NAV3: variants seen among roughly 807,000 people sequenced by gnomAD.
NAV3 encodes pore membrane and/or filament interacting like protein 1.
A neutral mutation model predicts 244.7 loss-of-function variants in NAV3; 87 were observed. The observed-to-expected ratio is 0.36, with a 90% CI of 0.30 to 0.42. The LOEUF is 0.42. Among genes scored for constraint, NAV3 ranks in the 20% least tolerant of loss-of-function variants. The pLI is 1.00. For synonymous variants in NAV3, 1,126 were observed against 1,042.2 expected (o/e 1.08, Z -1.55); for missense variants, 2,663 against 2,893.3 (o/e 0.92, Z 1.83).
chr12:77,962,629 T>C (rs1892130657), intron 3 of NAV3, among the ~76,000 whole-genome samples: 1 of 152,132 alleles, frequency 6.6e-6, no homozygotes, highest in Non-Finnish European at 1.5e-5. Context: ...GCATACCACC[T>C]GCCACGAACC....
chr12:77,983,669 G>A (rs1160321370), intron 5 of NAV3, among the ~76,000 whole-genome samples: 1 of 152,006 alleles, frequency 6.6e-6, no homozygotes, highest in East Asian at 1.9e-4. Flanking sequence ...ATAAAAGTAG[G>A]GGAAAGAAAG....
chr12:78,002,829 G>A (rs927111343), intron 7 of NAV3, among the ~76,000 whole-genome samples: 3 of 151,576 alleles, frequency 2.0e-5, no homozygotes, highest in Non-Finnish European at 4.4e-5. Flanking sequence ...GTAAATATAT[G>A]TATATATCTA....
intron 5 of NAV3, among the ~76,000 whole-genome samples, chr12:77,979,565 A>T (rs140288436): frequency 6.6e-6 from 1 of 152,092 alleles, no homozygotes; most frequent in African/African-American, 2.4e-5. Flanking sequence ...CTTGCTTATG[A>T]GACTTTAACC....
intron 2 of NAV3, among the ~76,000 whole-genome samples, chr12:77,771,955 G>C (rs34076851): frequency 6.6e-6 from 1 of 151,944 alleles, no homozygotes; most frequent in African/African-American, 2.4e-5. Flanking sequence ...TTTGGATTTA[G>C]GTTATTTCAA....
At chr12:77,659,848 A>T (rs1873343991) in intron 2 of NAV3, among the ~76,000 whole-genome samples, 1 of 152,054 alleles carries the variant, frequency 6.6e-6, no homozygotes, top group South Asian at 2.1e-4. Flanking sequence ...TTCTCAGTAA[A>T]CTATCGCAAG....
intron 1 of NAV3, among the ~76,000 whole-genome samples, chr12:77,879,820 AG>A (rs550011898): frequency 1.6e-3 from 245 of 152,258 alleles, no homozygotes; most frequent in African/African-American, 5.7e-3. Context: ...CTTTTCAAAA[AG>A]TGTTATCTCA....
intron 11 of NAV3, among the ~76,000 whole-genome samples, chr12:78,057,965 G>A (rs1459131071): frequency 6.6e-6 from 1 of 152,158 alleles, no homozygotes; most frequent in African/African-American, 2.4e-5. Flanking sequence ...CATGGATTTT[G>A]TAGCTAGCAC....
chr12:78,133,058 A>G (rs1273918470), intron 18 of NAV3, among the ~76,000 whole-genome samples: 2 of 152,088 alleles, frequency 1.3e-5, no homozygotes, highest in Non-Finnish European at 2.9e-5. Context: ...TTTTAACTAT[A>G]GACAATTGCA....
Position 78,006,488 on chromosome 12 carries a change from A to G in NAV3, c.950A>G (p.Gln317Arg), listed in dbSNP as rs2136556503. The change falls in exon 8 of 40, where the codon CAG becomes CGG. Residue 317 changes from glutamine to arginine, a missense_variant. By Grantham distance (43) the Gln-to-Arg change is conservative. Transcript: ENST00000397909. ...GTGCAGCCTCCCAGTACTGCTGGGC[A>G]GCCTCCTGCCTCTGCCATCCCTTCT... is the stretch of plus-strand genomic sequence containing the variant. ...GNVQPPSTAG[Q>R]PPASAIPSPS... The G allele has an allele frequency of 6.2e-7, 1 of 1,614,046 alleles. No individual in the cohort carries two copies. The highest frequency in any genetic ancestry group is 8.5e-7 in the Non-Finnish European group (1 of 1,179,998).
intron 2 of NAV3, among the ~76,000 whole-genome samples, chr12:77,790,073 T>C (rs1871116639): frequency 6.6e-6 from 1 of 152,144 alleles, no homozygotes; most frequent in Non-Finnish European, 1.5e-5. Flanking sequence ...CCTGTGAAAC[T>C]TCTCTTACCA....
intron 4 of NAV3, 95 bp from the exon 5 acceptor site, chr12:77,968,424 T>C: frequency 2.0e-6 from 2 of 983,738 alleles, no homozygotes. Context: ...TATCTCTGTC[T>C]TCATAGATTT....
intron 5 of NAV3, among the ~76,000 whole-genome samples, chr12:77,978,554 T>C (rs1449340957): frequency 6.6e-6 from 1 of 152,026 alleles, no homozygotes; most frequent in Non-Finnish European, 1.5e-5. Flanking sequence ...CATCAAAAAG[T>C]TAACATTTAT....
intron 22 of NAV3, among the ~76,000 whole-genome samples, chr12:78,149,748 T>A (rs1956999694): frequency 6.6e-6 from 1 of 152,054 alleles, no homozygotes; most frequent in Non-Finnish European, 1.5e-5. Context: ...CCCCTCCCGC[T>A]GCTCCTCTAC....
At chr12:77,990,578 C>T (rs1871281544) in intron 5 of NAV3, among the ~76,000 whole-genome samples, 1 of 152,186 alleles carries the variant, frequency 6.6e-6, no homozygotes, top group Non-Finnish European at 1.5e-5. Flanking sequence ...TCAAAAGAAA[C>T]TATAACATCA....
chr12:77,695,582 G>A (rs1875258161), intron 2 of NAV3, among the ~76,000 whole-genome samples: 3 of 152,042 alleles, frequency 2.0e-5, no homozygotes, highest in Admixed American at 6.6e-5. Flanking sequence ...TTTAAAACTT[G>A]GCCGGATGAC....
At chr12:77,715,286 A>G (rs1876309092) in intron 2 of NAV3, among the ~76,000 whole-genome samples, 1 of 151,982 alleles carries the variant, frequency 6.6e-6, no homozygotes, top group African/African-American at 2.4e-5. Context: ...TTGTTGGTAT[A>G]CAATGGAATC....
chr12:78,160,145 A>G (rs1380179051), intron 23 of NAV3, among the ~76,000 whole-genome samples: 1 of 152,170 alleles, frequency 6.6e-6, no homozygotes, highest in African/African-American at 2.4e-5. Flanking sequence ...GTTATATCAA[A>G]ATACTTAAAA....
chr12:77,711,163 C>G (rs1047189290), intron 2 of NAV3, among the ~76,000 whole-genome samples: 2 of 152,204 alleles, frequency 1.3e-5, no homozygotes, highest in South Asian at 2.1e-4. Context: ...TGTGAAATAT[C>G]AGACCCACTT....
intron 2 of NAV3, among the ~76,000 whole-genome samples, chr12:77,609,060 G>A (rs1870795128): frequency 1.3e-5 from 2 of 151,936 alleles, no homozygotes; most frequent in African/African-American, 4.8e-5. Context: ...TCTGACCACT[G>A]GCATATAAAT....
Sources: gnomAD v4.1 joint callset for allele counts (sites outside exome capture counted in the v4.1 genomes callset) on GRCh38, gnomAD v4.1.1 for gene constraint, MANE v1.5 for transcripts, NCBI Gene and HGNC (gene_info 2026-07-23, HGNC 2026-07-21) for gene names.